The following FILIP1 variants were observed in gnomAD, a reference collection of about 807,000 sequenced individuals.
FILIP1 encodes filamin-A-interacting protein 1.
In FILIP1, 61 loss-of-function variants were observed where a neutral mutation model predicts 102.1. The observed-to-expected ratio is 0.60, with a 90% CI of 0.49 to 0.74. The LOEUF (loss-of-function observed/expected upper bound fraction) is 0.74. FILIP1 is among the 30% of genes least tolerant of loss of function. The probability of loss-of-function intolerance (pLI) is 0.00; values close to 1 mark genes in which losing one functional copy is unlikely to be tolerated. For synonymous variants in FILIP1, 491 were observed against 526.9 expected, an observed-to-expected ratio of 0.93 and a Z score of 0.93; for missense variants, 1,314 against 1,441.2, an observed-to-expected ratio of 0.91 and a Z score of 1.43.
chr6:75,450,111 T>C (rs530200475), intron 1 of FILIP1, among the ~76,000 whole-genome samples: 1 of 152,034 alleles, frequency 6.6e-6, no homozygotes, highest in Non-Finnish European at 1.5e-5. Context: ...GATTACTTTT[T>C]AAAAATTTTT....
intron 2 of FILIP1, among the ~76,000 whole-genome samples, chr6:75,394,348 T>C (rs1437081370): frequency 6.6e-6 from 1 of 152,056 alleles, no homozygotes; most frequent in South Asian, 2.1e-4. Context: ...AGAAGAAAAT[T>C]TGAAAGAAAT....
Position 75,312,380 on chromosome 6 carries a change from G to C in FILIP1, c.3435+17C>G, listed in dbSNP as rs779214829. 6.2e-7 allele frequency: 1 copy of C among 1,604,628 alleles called. No individual in the cohort carries two copies. Among genetic ancestry groups the C allele is most frequent in the Non-Finnish European group, 8.5e-7 (1 of 1,174,588 alleles). On this transcript the variant is annotated intron_variant, in intron 5 of 5. Transcript: ENST00000237172. ...CCTCCCTCTGCAGGCCTGCGCTTTG[G>C]AGCCTCTTCTACTCACCACTGACTG...
chr6:75,463,170 G>A (rs755492469), intron 1 of FILIP1, among the ~76,000 whole-genome samples: 12 of 152,150 alleles, frequency 7.9e-5, no homozygotes, highest in Non-Finnish European at 1.2e-4. Context: ...GCGTATGTGC[G>A]GATCTTAGAA....
intron 2 of FILIP1, among the ~76,000 whole-genome samples, chr6:75,411,252 A>G (rs1777058840): frequency 6.6e-6 from 1 of 152,146 alleles, no homozygotes; most frequent in Non-Finnish European, 1.5e-5. Context: ...TCTTTTGCCC[A>G]CTTTTTGATG....
intron 4 of FILIP1, among the ~76,000 whole-genome samples, chr6:75,327,565 T>A (rs1295185213): frequency 9.0e-6 from 1 of 111,644 alleles, no homozygotes; most frequent in African/African-American, 3.6e-5. Flanking sequence ...TATATATAAG[T>A]ATATATGCAT....
chr6:75,305,727 G>C (rs1236706672), downstream of FILIP1, among the ~76,000 whole-genome samples: 1 of 152,156 alleles, frequency 6.6e-6, no homozygotes, highest in Non-Finnish European at 1.5e-5. Flanking sequence ...TTCTCAGGCA[G>C]TGAAGACCAG....
intron 2 of FILIP1, among the ~76,000 whole-genome samples, chr6:75,382,193 C>T (rs1368300074): frequency 6.6e-6 from 1 of 152,196 alleles, no homozygotes; most frequent in East Asian, 1.9e-4. Context: ...CTTAAAGATG[C>T]TGCACTTCAA....
At chr6:75,450,656 A>G (rs566425477) in intron 1 of FILIP1, among the ~76,000 whole-genome samples, 6 of 148,232 alleles carry the variant, frequency 4.0e-5, no homozygotes, top group Admixed American at 1.4e-4. Context: ...AAAAAAGAAA[A>G]AAAAAAAAAA....
At chr6:75,491,064 C>T (rs940983643) in intron 1 of FILIP1, among the ~76,000 whole-genome samples, 1 of 152,040 alleles carries the variant, frequency 6.6e-6, no homozygotes, top group Admixed American at 6.6e-5. Context: ...CTTAAAAGTA[C>T]CCTAATTCTA....
chr6:75,358,785 C>A (rs957317739), intron 3 of FILIP1, among the ~76,000 whole-genome samples: 1 of 151,884 alleles, frequency 6.6e-6, no homozygotes, highest in African/African-American at 2.4e-5. Context: ...TGCAGTGGCA[C>A]GATCTCGGCT....
intron 4 of FILIP1, among the ~76,000 whole-genome samples, chr6:75,340,833 T>C (rs565644286): frequency 1.1e-4 from 17 of 149,958 alleles, no homozygotes; most frequent in Admixed American, 5.3e-4. Context: ...GTAGCTGGGA[T>C]TATAGGCGCA....
intron 2 of FILIP1, among the ~76,000 whole-genome samples, chr6:75,387,509 A>G (rs1776140289): frequency 6.6e-6 from 1 of 152,184 alleles, no homozygotes; most frequent in Non-Finnish European, 1.5e-5. Context: ...TCCCACCAAC[A>G]GTGTAAGAGC....
intron 1 of FILIP1, among the ~76,000 whole-genome samples, chr6:75,420,556 A>C (rs1391692791): frequency 6.6e-6 from 1 of 152,114 alleles, no homozygotes; most frequent in East Asian, 1.9e-4. Flanking sequence ...TTTCCAAAAA[A>C]TTGTATTTCC....
intron 1 of FILIP1, among the ~76,000 whole-genome samples, chr6:75,490,333 C>G (rs1043235373): frequency 2.6e-5 from 4 of 151,938 alleles, no homozygotes; most frequent in African/African-American, 9.7e-5. Context: ...TTGTTGAATA[C>G]AGAACAAATT....
At chr6:75,456,956 A>C (rs955875345) in intron 1 of FILIP1, among the ~76,000 whole-genome samples, 1 of 152,192 alleles carries the variant, frequency 6.6e-6, no homozygotes, top group African/African-American at 2.4e-5. Context: ...GAGAGGAAAA[A>C]TTTTATGCTG....
At chr6:75,337,992 T>C (rs1300524448) in intron 4 of FILIP1, among the ~76,000 whole-genome samples, 1 of 152,176 alleles carries the variant, frequency 6.6e-6, no homozygotes, top group Non-Finnish European at 1.5e-5. Flanking sequence ...AGAGCATTCC[T>C]CCCCTCTAAG....
intron 2 of FILIP1, among the ~76,000 whole-genome samples, chr6:75,379,892 A>T (rs1775854489): frequency 6.6e-6 from 1 of 152,158 alleles, no homozygotes; most frequent in African/African-American, 2.4e-5. Context: ...ATTTGTCTCC[A>T]TAGGATTGCT....
intron 6 of FILIP1, among the ~76,000 whole-genome samples, chr6:75,301,800 G>A (rs988097655): frequency 6.6e-6 from 1 of 152,178 alleles, no homozygotes; most frequent in Non-Finnish European, 1.5e-5. Context: ...GTAGAAAAGA[G>A]TATGGCTCCA....
At chr6:75,458,779 C>T (rs1470112018) in intron 1 of FILIP1, 1 of 152,190 alleles carries the variant, frequency 6.6e-6, no homozygotes, top group Non-Finnish European at 1.5e-5. Flanking sequence ...CCTACTCCTA[C>T]TTTTTCTTGG....
Sources: gnomAD v4.1 joint callset for allele counts (sites outside exome capture counted in the v4.1 genomes callset) on GRCh38, gnomAD v4.1.1 for gene constraint, MANE v1.5 for transcripts, NCBI Gene and HGNC (gene_info 2026-07-23, HGNC 2026-07-21) for gene names.